The following ADGRL3 variants were observed in gnomAD, a reference collection of about 807,000 sequenced individuals.
ADGRL3 encodes the protein calcium-independent alpha-latrotoxin receptor 3.
ADGRL3 carries 62 observed loss-of-function variants against 153.5 expected under a neutral mutation model. That is an observed-to-expected ratio of 0.40 (90% CI 0.33 to 0.50). The LOEUF (loss-of-function observed/expected upper bound fraction) is 0.50. ADGRL3 is among the 20% of genes least tolerant of loss of function. The pLI is 0.47. For missense variants in ADGRL3, 1,641 were observed against 1,859.4 expected (o/e 0.88, Z 2.16); for synonymous variants, 710 against 672.5 (o/e 1.06, Z -0.86).
chr4:61,339,511 G>A (rs931942357), intron 1 of ADGRL3, among the ~76,000 whole-genome samples: 1 of 152,184 alleles, frequency 6.6e-6, no homozygotes, highest in Non-Finnish European at 1.5e-5. Flanking sequence ...GGAATGGACT[G>A]TACTTGCAAA....
intron 8 of ADGRL3, among the ~76,000 whole-genome samples, chr4:61,762,978 T>C (rs1393973537): frequency 6.6e-6 from 1 of 152,112 alleles, no homozygotes; most frequent in Admixed American, 6.6e-5. Flanking sequence ...ACTCTTTTCC[T>C]TTTTCTCATT....
At chr4:61,676,606 T>C (rs1433612761) in intron 5 of ADGRL3, among the ~76,000 whole-genome samples, 1 of 151,988 alleles carries the variant, frequency 6.6e-6, no homozygotes, top group Non-Finnish European at 1.5e-5. Flanking sequence ...TTCAACCAAA[T>C]ATTAAATTAG....
chr4:61,685,336 G>T (rs2095423009), intron 6 of ADGRL3, among the ~76,000 whole-genome samples: 2 of 152,060 alleles, frequency 1.3e-5, no homozygotes, highest in South Asian at 4.1e-4. Context: ...TGCCAGTGAA[G>T]ACGTTAGTCC....
At chr4:61,952,637 C>T (rs940867741) in intron 17 of ADGRL3, among the ~76,000 whole-genome samples, 4 of 152,048 alleles carry the variant, frequency 2.6e-5, no homozygotes, top group South Asian at 2.1e-4. Context: ...TTTTGATGTT[C>T]GAAGGACTAC....
chr4:61,565,509 G>A (rs1417426999), intron 4 of ADGRL3, among the ~76,000 whole-genome samples: 1 of 151,724 alleles, frequency 6.6e-6, no homozygotes. Flanking sequence ...TTATGCATGG[G>A]ATCTCTTCAA....
chr4:61,911,654 A>G (rs1468049650), intron 12 of ADGRL3, among the ~76,000 whole-genome samples: 1 of 152,164 alleles, frequency 6.6e-6, no homozygotes, highest in African/African-American at 2.4e-5. Context: ...CAGTGATCCA[A>G]GTGACAGCCC....
intron 2 of ADGRL3, among the ~76,000 whole-genome samples, chr4:61,465,124 C>T (rs980257821): frequency 6.6e-6 from 1 of 152,116 alleles, no homozygotes; most frequent in Non-Finnish European, 1.5e-5. Flanking sequence ...AGAAGACCCA[C>T]ATAGTTGATG....
At chr4:61,871,587 T>C (rs2098445916) in intron 9 of ADGRL3, among the ~76,000 whole-genome samples, 1 of 152,114 alleles carries the variant, frequency 6.6e-6, no homozygotes, top group East Asian at 1.9e-4. Flanking sequence ...AGATAGAAAG[T>C]AGATTAGTTA....
chr4:61,566,293 C>T (rs967515304), intron 4 of ADGRL3, among the ~76,000 whole-genome samples: 8 of 152,068 alleles, frequency 5.3e-5, no homozygotes, highest in Admixed American at 3.9e-4. Context: ...TCGAGATTTC[C>T]CCATCTTATA....
At chr4:61,652,975 G>A (rs1472429996) in intron 5 of ADGRL3, among the ~76,000 whole-genome samples, 7 of 151,690 alleles carry the variant, frequency 4.6e-5, no homozygotes, top group Non-Finnish European at 1.0e-4. Context: ...CCTTCCCCCC[G>A]GCCATATTGA....
intron 9 of ADGRL3, among the ~76,000 whole-genome samples, chr4:61,835,306 C>T (rs1323065345): frequency 7.9e-6 from 1 of 127,198 alleles, no homozygotes; most frequent in African/African-American, 3.1e-5. Context: ...ATCTTAGGAC[C>T]TCTCATGTGT....
At chr4:61,227,556 A>G (rs1748555396) in intron 1 of ADGRL3, among the ~76,000 whole-genome samples, 1 of 152,122 alleles carries the variant, frequency 6.6e-6, no homozygotes, top group Non-Finnish European at 1.5e-5. Context: ...TGAGAGTTAT[A>G]TCAAAGTCAT....
intron 1 of ADGRL3, among the ~76,000 whole-genome samples, chr4:61,274,381 G>T (rs2093360303): frequency 6.6e-6 from 1 of 152,136 alleles, no homozygotes; most frequent in African/African-American, 2.4e-5. Flanking sequence ...AAGAAGAGAA[G>T]AAATATGTTA....
intron 1 of ADGRL3, among the ~76,000 whole-genome samples, chr4:61,375,428 A>G (rs1048793115): frequency 6.6e-6 from 1 of 152,068 alleles, no homozygotes; most frequent in African/African-American, 2.4e-5. Context: ...TTGGACATAA[A>G]CCGGGACAAG....
chr4:61,999,003 A>G (rs533153105), intron 21 of ADGRL3, among the ~76,000 whole-genome samples: 4 of 152,326 alleles, frequency 2.6e-5, no homozygotes, highest in Admixed American at 1.3e-4. Context: ...ACATCACAGA[A>G]GAGGAACCCT....
intron 21 of ADGRL3, among the ~76,000 whole-genome samples, chr4:62,007,164 T>C (rs1390692720): frequency 6.6e-6 from 1 of 151,098 alleles, no homozygotes; most frequent in Non-Finnish European, 1.5e-5. Flanking sequence ...TCATGAGCCT[T>C]TCCTCATGGG....
intron 13 of ADGRL3, among the ~76,000 whole-genome samples, chr4:61,917,621 C>T (rs1428535771): frequency 6.7e-6 from 1 of 149,156 alleles, no homozygotes; most frequent in Non-Finnish European, 1.5e-5. Context: ...ATGTGATTTT[C>T]TGTCTTTCTT....
intron 9 of ADGRL3, among the ~76,000 whole-genome samples, chr4:61,860,028 A>T (rs541542520): frequency 1.3e-5 from 2 of 152,298 alleles, no homozygotes; most frequent in African/African-American, 4.8e-5. Flanking sequence ...TACTCACCTG[A>T]AAAAAATAGA....
At chr4:61,596,238 C>T (rs1160181700) in intron 5 of ADGRL3, among the ~76,000 whole-genome samples, 1 of 152,188 alleles carries the variant, frequency 6.6e-6, no homozygotes, top group East Asian at 1.9e-4. Flanking sequence ...ATTCTGCCAT[C>T]TTGCTCTGCC....
Sources: allele counts gnomAD v4.1 joint callset (sites outside exome capture counted in the v4.1 genomes callset), GRCh38; gene constraint gnomAD v4.1.1; transcripts MANE v1.5; gene names NCBI Gene and HGNC (gene_info 2026-07-23, HGNC 2026-07-21).